The following CFAP77 variants were observed in gnomAD, a reference collection of about 807,000 sequenced individuals.
CFAP77 encodes cilia and flagella associated protein 77, also known as cilia- and flagella-associated protein 77.
CFAP77 carries 25 observed loss-of-function variants against 31.1 expected under a neutral mutation model. The ratio of observed to expected loss-of-function variants is 0.80; its 90% CI spans 0.59 to 1.12. CFAP77 has a LOEUF of 1.12. Ranked by LOEUF, CFAP77 falls within the 50% of genes most tolerant of loss-of-function variation. The pLI is 0.00. For synonymous variants in CFAP77, 151 were observed against 159.9 expected (o/e 0.94, Z 0.42); for missense variants, 377 against 397.3 (o/e 0.95, Z 0.44).
chr9:132,571,760 A>G (rs1413411008), intron 5 of CFAP77, among the ~76,000 whole-genome samples: 1 of 152,170 alleles, frequency 6.6e-6, no homozygotes, highest in Non-Finnish European at 1.5e-5. Flanking sequence ...CACAGTGGAC[A>G]CCAGGAGGCG....
At position 132,471,837 on chromosome 9, in the gene CFAP77, A is replaced by G. The variant is rs572006363; in HGVS notation, c.196-26858A>G. On this transcript the variant is annotated intron_variant, in intron 1 of 5. Transcript: ENST00000393216. ...CACCTCAGCCTCTGGAATAGATAGGACTATAGGCATGTGCCTGCTACCACG... is the reference window on the plus strand; with the variant it reads ...CACCTCAGCCTCTGGAATAGATAGGGCTATAGGCATGTGCCTGCTACCACG... Among the ~76,000 whole-genome samples, 24 of 152,166 alleles carry G rather than the reference A, an allele frequency of 1.6e-4. 1 individual carries two copies. In the South Asian group the frequency reaches 4.8e-3, roughly 30 times the overall value.
rs1852597286 is a variant in CFAP77, at chr9:132,539,107, A to ATT, written c.630+1401_630+1402insTT. 1.3e-5 allele frequency among the ~76,000 whole-genome samples: 2 copies of ATT among 152,160 alleles called. No individual in the cohort carries two copies. The highest frequency in any genetic ancestry group is 4.8e-5 in the African/African-American group (2 of 41,450). Reference sequence around the variant, plus strand: ...GTCTCGATAAAAAAATAAATAAATAAAAATAAATAAATAAAATAGTACTTC... The same window carrying ATT: ...GTCTCGATAAAAAAATAAATAAATAATTAAATAAATAAATAAAATAGTACTTC... On this transcript the variant is annotated intron_variant, in intron 4 of 5. Coordinates refer to ENST00000393216, the MANE Select transcript of CFAP77 (RefSeq NM_001282957.2). This position sits in a 1 kb window ranked among gnomAD's most constrained non-coding sequence, Gnocchi z 4.3.
At chr9:132,419,918 TG>T (rs536589573) in intron 1 of CFAP77, among the ~76,000 whole-genome samples, 388 of 152,170 alleles carry the variant, frequency 2.5e-3, no homozygotes, top group Middle Eastern at 0.01. Flanking sequence ...CCCAGTACTT[TG>T]GGAGGCTGAG....
chr9:132,565,369 C>A lies in CFAP77; in HGVS notation c.733-7019C>A, dbSNP rs1422192346. On this transcript the variant is annotated intron_variant, in intron 5 of 5. Coordinates refer to ENST00000393216, the MANE Select transcript of CFAP77 (RefSeq NM_001282957.2). The surrounding 1 kb of genome is among the most constrained non-coding windows in gnomAD (Gnocchi z 4.1). ...TGTCGGCCTGGTGCCGTGGCTCACG[C>A]CTGTAATCCCAGCACTTTGGGAGGC... Among the ~76,000 whole-genome samples the A allele has an allele frequency of 5.3e-5, 8 of 152,070 alleles. No homozygotes were observed. Among genetic ancestry groups the A allele is most frequent in the Non-Finnish European group, 1.2e-4 (8 of 68,026 alleles).
In CFAP77 at chr9:132,472,522, C is replaced by T. The variant is rs573423676; in HGVS notation, c.196-26173C>T. On this transcript the variant is annotated intron_variant, in intron 1 of 5. Transcript: ENST00000393216. ...CTGTAATCCCAATGCTTTGAGAGGC[C>T]GAGGTGGGAGGATGGATTGAGGCCA... 1.5e-4 allele frequency among the ~76,000 whole-genome samples: 23 copies of T among 152,256 alleles called. No homozygotes were observed. The South Asian group carries it at 2.1e-3, about 14-fold the overall frequency.
intron 3 of CFAP77, among the ~76,000 whole-genome samples, chr9:132,531,971 T>G (rs941674327): frequency 6.6e-6 from 1 of 152,202 alleles, no homozygotes; most frequent in Admixed American, 6.5e-5. Context: ...TTTTCTGTTG[T>G]GAACGGTCTC....
chr9:132,493,470 C>T (rs562018362), intron 1 of CFAP77, among the ~76,000 whole-genome samples: 5 of 152,274 alleles, frequency 3.3e-5, no homozygotes, highest in Admixed American at 2.0e-4. Flanking sequence ...GCTGGGTCTC[C>T]GCTGTGGACA....
chr9:132,548,975 C>T (rs1020463109), intron 5 of CFAP77, among the ~76,000 whole-genome samples: 1 of 152,122 alleles, frequency 6.6e-6, no homozygotes, highest in African/African-American at 2.4e-5. Context: ...CTCCTGGGCC[C>T]CTGGCTCCCT....
chr9:132,448,160 TACAC>T (rs10592431), intron 1 of CFAP77, among the ~76,000 whole-genome samples: 6,571 of 150,974 alleles, frequency 0.044, 479 homozygotes, highest in African/African-American at 0.15. Flanking sequence ...TGGATCAAGA[TACAC>T]ACACGCACAC....
rs1023002289 is a variant in CFAP77 at position 132,464,927 on chromosome 9, C to T, written c.196-33768C>T. On this transcript the variant is annotated intron_variant, in intron 1 of 5. Transcript: ENST00000393216. ...GCCAACTAAAAATACAAAAATTAAC[C>T]GGGTGTGCTGGTGCATGCCTATAAT... is the stretch of plus-strand genomic sequence containing the variant. Among the ~76,000 whole-genome samples, 16 of 151,688 alleles carry T rather than the reference C, an allele frequency of 1.1e-4. 1 individual carries two copies. Among genetic ancestry groups the T allele is most frequent in the Admixed American group, 2.6e-4 (4 of 15,202 alleles).
At chr9:132,460,668 T>C (rs1564212303) in intron 1 of CFAP77, among the ~76,000 whole-genome samples, 1 of 152,004 alleles carries the variant, frequency 6.6e-6, no homozygotes, top group Non-Finnish European at 1.5e-5. Flanking sequence ...TTTGGGGTGA[T>C]GAAAAAGTGT....
At chr9:132,502,627 G>T (rs1027054847) in intron 3 of CFAP77, among the ~76,000 whole-genome samples, 1 of 152,176 alleles carries the variant, frequency 6.6e-6, no homozygotes, top group Non-Finnish European at 1.5e-5. Flanking sequence ...TACCCTCGTG[G>T]TTCATCCATG....
intron 1 of CFAP77, among the ~76,000 whole-genome samples, chr9:132,466,804 T>G (rs1235537052): frequency 6.6e-6 from 1 of 152,218 alleles, no homozygotes; most frequent in Non-Finnish European, 1.5e-5. Flanking sequence ...CTGCTCTAAT[T>G]CTTTGATTCA....
intron 5 of CFAP77, 68 bp from the exon 6 acceptor site, chr9:132,572,320 G>A: frequency 6.5e-7 from 1 of 1,530,782 alleles, no homozygotes; most frequent in South Asian, 1.2e-5. Context: ...GGGCAGGCGA[G>A]GGGAGCAACT....
intron 1 of CFAP77, among the ~76,000 whole-genome samples, chr9:132,428,293 A>G (rs1047573397): frequency 1.3e-5 from 2 of 151,034 alleles, no homozygotes; most frequent in Non-Finnish European, 2.9e-5. Flanking sequence ...TACAGGTGTG[A>G]GCCACTGCGC....
rs994549998 is a variant in CFAP77 at position 132,570,071 on chromosome 9, C to G, written c.733-2317C>G. The stretch of plus-strand genomic sequence containing the variant: ...TAGGAGCCATGGGCCTCAGGAAGAT[C>G]GTGTCACAGTGTAAACATCAGGCCA... On this transcript the variant is annotated intron_variant, in intron 5 of 5. Coordinates refer to ENST00000393216, the MANE Select transcript of CFAP77 (RefSeq NM_001282957.2). 2.0e-5 allele frequency among the ~76,000 whole-genome samples: 3 copies of G among 152,282 alleles called. No individual in the cohort carries two copies. The South Asian group carries it at 6.2e-4, about 32-fold the overall frequency.
In CFAP77 at chr9:132,459,544, GGTGT is replaced by G. The variant is rs530045268; in HGVS notation, c.196-39144_196-39141del. ...GTGGGTGTATGTGTGAGTGTGTGTA[GGTGT>G]GTGTGTATGTGTGTGAGCATGTGTG... On this transcript the variant is annotated intron_variant, in intron 1 of 5. Transcript: ENST00000393216. Among the ~76,000 whole-genome samples the G allele has an allele frequency of 6.0e-3, 884 of 148,260 alleles. 7 individuals are homozygous for G. The highest frequency in any genetic ancestry group is 0.021 in the Middle Eastern group (6 of 290).
chr9:132,519,616 ATGGTTGGGTGGGTAGG>A (rs1852224734), intron 3 of CFAP77, among the ~76,000 whole-genome samples: 1 of 104,430 alleles, frequency 9.6e-6, no homozygotes, highest in African/African-American at 3.9e-5. Flanking sequence ...GGATGGATGG[ATGGTTGGGTGGGTAGG>A]TGGATGGGCA....
In CFAP77 at chr9:132,564,855, T is replaced by G. The variant is rs1564254197; in HGVS notation, c.733-7533T>G. ...ACCGCTCTAGATGCGGGAAGCAAAG[T>G]GAGACCTCCGTTCAGGGACTGCGGT... On this transcript the variant is annotated intron_variant, in intron 5 of 5. Coordinates refer to ENST00000393216, the MANE Select transcript of CFAP77 (RefSeq NM_001282957.2). This position sits in a 1 kb window ranked among gnomAD's most constrained non-coding sequence, Gnocchi z 4.6. Among the ~76,000 whole-genome samples, 1 of 152,174 alleles carries G rather than the reference T, an allele frequency of 6.6e-6. No individual in the cohort carries two copies. The highest frequency in any genetic ancestry group is 1.5e-5 in the Non-Finnish European group (1 of 68,030).
Sources: allele counts gnomAD v4.1 joint callset (sites outside exome capture counted in the v4.1 genomes callset), GRCh38; gene constraint gnomAD v4.1.1; non-coding constraint Gnocchi (gnomAD v3.1); transcripts MANE v1.5; gene names NCBI Gene and HGNC (gene_info 2026-07-23, HGNC 2026-07-21).